The following LRRK2 variants were observed in gnomAD, a reference collection of about 807,000 sequenced individuals.
LRRK2 encodes the protein leucine-rich repeat serine/threonine-protein kinase 2.
LRRK2 carries 203 observed loss-of-function variants against 302.6 expected under a neutral mutation model. That is an observed-to-expected ratio of 0.67 (90% CI 0.60 to 0.75). The LOEUF is 0.75. Among genes scored for constraint, LRRK2 ranks in the 30% least tolerant of loss-of-function variants. The pLI, the probability that LRRK2 is intolerant of heterozygous loss-of-function variation, is 0.00. For synonymous variants in LRRK2, 1,066 were observed against 1,031.9 expected, an observed-to-expected ratio of 1.03 and a Z score of -0.63; for missense variants, 2,830 against 2,951.0, an observed-to-expected ratio of 0.96 and a Z score of 0.95.
At chr12:40,333,015 G>A (rs1206173612) in intron 39 of LRRK2, among the ~76,000 whole-genome samples, 3 of 151,246 alleles carry the variant, frequency 2.0e-5, no homozygotes, top group Non-Finnish European at 2.9e-5. Flanking sequence ...GACATTTGAC[G>A]GTCATTCTAC....
In LRRK2 at chr12:40,294,875, A is replaced by C; in HGVS notation, c.2839A>C (p.Lys947Gln). 1.3e-6 allele frequency: 2 copies of C among 1,548,994 alleles called. No individual in the cohort carries two copies. Among genetic ancestry groups the C allele is most frequent in the Non-Finnish European group, 1.8e-6 (2 of 1,125,202 alleles). Residue 947 changes from lysine to glutamine, a missense_variant, in exon 22 of 51, where the codon AAG (lysine) becomes CAG (glutamine). Lys to Gln is a moderately conservative substitution (Grantham distance 53). This residue lies in a region of LRRK2 where 2,121 missense variants were observed against 2,148.0 expected (regional missense o/e 0.99). Coordinates refer to ENST00000298910, the MANE Select transcript of LRRK2 (RefSeq NM_198578.4). ...CATTTTTGATCATGAAGATTTACTG[A>C]AGCGAAAAAGAAAAATATTATCTTC... ...GPIFDHEDLL[K>Q]RKRKILSSDD...
chr12:40,330,773 T>A (rs1048107270), intron 39 of LRRK2, among the ~76,000 whole-genome samples: 2 of 152,186 alleles, frequency 1.3e-5, no homozygotes, highest in African/African-American at 4.8e-5. Flanking sequence ...ATATGTTAGA[T>A]GACAAGCCTT....
chr12:40,236,314 A>G (rs1242153422), intron 4 of LRRK2, among the ~76,000 whole-genome samples: 2 of 152,204 alleles, frequency 1.3e-5, no homozygotes, highest in Admixed American at 6.5e-5. Flanking sequence ...TAGGGATTTT[A>G]TCTCAGTTTT....
chr12:40,304,688 C>T (rs10784499), intron 27 of LRRK2: 59,184 of 152,096 alleles, frequency 0.39, 11,950 homozygotes, highest in African/African-American at 0.46. Flanking sequence ...AAAGAGTGTT[C>T]TATGGAATAG....
intron 45 of LRRK2, among the ~76,000 whole-genome samples, chr12:40,354,949 C>A (rs1946481227): frequency 6.6e-6 from 1 of 151,964 alleles, no homozygotes; most frequent in Non-Finnish European, 1.5e-5. Flanking sequence ...TTAATAAATT[C>A]TTAATAGGTG....
At chr12:40,330,289 AC>A (rs1945676900) in intron 39 of LRRK2, among the ~76,000 whole-genome samples, 1 of 152,158 alleles carries the variant, frequency 6.6e-6, no homozygotes. Flanking sequence ...ATGTCATCAC[AC>A]TTTATTTTTT....
In LRRK2 at chr12:40,334,997, C is replaced by T; in HGVS notation, c.5788C>T (p.Pro1930Ser). ...TGTGGTGCTTTGCCACCTCCACCAC[C>T]CCAGTTTGATATCTTTGCTGGCAGC... ...ELVVLCHLHH[P>S]SLISLLAAGI... is the part of the protein sequence containing the mutation. Residue 1930 changes from proline (P) to serine (S), a missense_variant, in exon 40 of 51, where the codon CCC becomes TCC. By Grantham distance (74) the Pro-to-Ser change is moderately conservative. Transcript: ENST00000298910. 6.2e-7 allele frequency: 1 copy of T among 1,614,026 alleles called. No homozygotes were observed. Among genetic ancestry groups the T allele is most frequent in the Non-Finnish European group, 8.5e-7 (1 of 1,179,986 alleles).
intron 16 of LRRK2, among the ~76,000 whole-genome samples, chr12:40,277,334 T>C (rs911743110): frequency 6.6e-6 from 1 of 152,168 alleles, no homozygotes; most frequent in African/African-American, 2.4e-5. Context: ...ATTATTAGAA[T>C]GTAATCCTCA....
At chr12:40,242,914 A>AAG (rs1226208125) in intron 6 of LRRK2, among the ~76,000 whole-genome samples, 1 of 148,098 alleles carries the variant, frequency 6.8e-6, no homozygotes, top group Non-Finnish European at 1.5e-5. Context: ...GATAATGATG[A>AAG]AGATTGTGAT....
chr12:40,305,982 TC>T lies in LRRK2; in HGVS notation c.3959+17del. On this transcript the variant is annotated intron_variant, in intron 28 of 50. Transcript: ENST00000298910. Reference sequence around the variant, plus strand: ...ACATCATAAGGTTAGATAATTTTTTTCTATTTGGTTTTACTAAATTTATTTC... The same window carrying T: ...ACATCATAAGGTTAGATAATTTTTTTTATTTGGTTTTACTAAATTTATTTC... The T allele has an allele frequency of 6.3e-7, 1 of 1,585,784 alleles. No individual in the cohort carries two copies.
intron 41 of LRRK2, among the ~76,000 whole-genome samples, chr12:40,342,862 G>C (rs1026099698): frequency 2.0e-5 from 3 of 151,772 alleles, no homozygotes; most frequent in Non-Finnish European, 4.4e-5. Flanking sequence ...ATGAGTGTAG[G>C]TCCATTACGG....
intron 43 of LRRK2, among the ~76,000 whole-genome samples, chr12:40,350,479 T>G (rs530155727): frequency 1.3e-5 from 2 of 152,344 alleles, no homozygotes; most frequent in Non-Finnish European, 2.9e-5. Context: ...GTTGGAAGAT[T>G]TGCCCAAGTA....
intron 18 of LRRK2, among the ~76,000 whole-genome samples, chr12:40,279,587 C>A (rs1378909381): frequency 1.3e-5 from 2 of 152,076 alleles, no homozygotes. Flanking sequence ...AAGAAACTTC[C>A]CCTTCTAAGT....
chr12:40,346,759 G>A lies in LRRK2; in HGVS notation c.6116G>A (p.Arg2039His), dbSNP rs1367795172. 7.4e-6 allele frequency: 12 copies of A among 1,613,602 alleles called. No individual in the cohort carries two copies. Among genetic ancestry groups the A allele is most frequent in the South Asian group, 3.3e-5 (3 of 91,060 alleles). The change falls in exon 42 of 51, where the codon CGT (arginine) becomes CAT (histidine). Residue 2039 changes from arginine (R) to histidine (H), a missense_variant. Physicochemically the swap from Arg to His is conservative, Grantham distance 29. Around this residue, in one of 3 missense-constraint regions of LRRK2, gnomAD observed 253 missense variants for 346.7 expected, o/e 0.73. Transcript: ENST00000298910. ...IKTSEGTPGFRAPEVARGNVI... is the reference protein window; with the variant it reads ...IKTSEGTPGFHAPEVARGNVI... ...TTTATCTGCTTACTTTCAGGGTTTC[G>A]TGCACCTGAAGTTGCCAGAGGAAAT...
rs114392445 is a variant in LRRK2, at chr12:40,228,699, C to T, written c.237+3059C>T. 3.4e-3 allele frequency among the ~76,000 whole-genome samples: 520 copies of T among 152,194 alleles called. 1 individual carries two copies. Among genetic ancestry groups the T allele is most frequent in the African/African-American group, 0.012 (498 of 41,518 alleles). On this transcript the variant is annotated intron_variant, in intron 2 of 50. Coordinates refer to ENST00000298910, the MANE Select transcript of LRRK2 (RefSeq NM_198578.4). ...AGACCAATGTCCTGTAGCATTTCCC[C>T]AGTGTTTTCTTCTAGTAGTTGCATA... is the stretch of plus-strand genomic sequence containing the variant.
chr12:40,256,549 C>T (rs1907633), intron 11 of LRRK2, among the ~76,000 whole-genome samples: 19,398 of 152,228 alleles, frequency 0.13, 1,327 homozygotes, highest in South Asian at 0.16. Context: ...TAAAGCATAT[C>T]TATATGTTTC....
Position 40,225,565 on chromosome 12 carries a change from A to G in LRRK2, c.162A>G (p.Leu54=), listed in dbSNP as rs1197274335. The G allele has an allele frequency of 6.2e-7, 1 of 1,614,026 alleles. No homozygotes were observed. Among genetic ancestry groups the G allele is most frequent in the Non-Finnish European group, 8.5e-7 (1 of 1,179,908 alleles). ...CCACTTGTTTTCCAGCCTCCAAGTT[A>G]TTTCAAGGCAAAAATATCCATGTGC... ...VFTYSERASK[L]FQGKNIHVPL... Residue 54 remains leucine, a synonymous_variant, in exon 2 of 51, where the codon TTA becomes TTG. Coordinates refer to ENST00000298910, the MANE Select transcript of LRRK2 (RefSeq NM_198578.4).
chr12:40,265,900 G>A (rs980838069), intron 14 of LRRK2, among the ~76,000 whole-genome samples: 1 of 152,156 alleles, frequency 6.6e-6, no homozygotes, highest in Non-Finnish European at 1.5e-5. Context: ...AAGAAATGGG[G>A]AAACGATTCC....
At chr12:40,312,369 T>C (rs1161917433) in intron 31 of LRRK2, among the ~76,000 whole-genome samples, 1 of 152,178 alleles carries the variant, frequency 6.6e-6, no homozygotes. Context: ...GATTGCTTTG[T>C]AGAAGAATGA....
Sources: allele counts gnomAD v4.1 joint callset (sites outside exome capture counted in the v4.1 genomes callset), GRCh38; gene constraint gnomAD v4.1.1; regional missense constraint gnomAD v4.1.1; transcripts MANE v1.5; gene names NCBI Gene and HGNC (gene_info 2026-07-23, HGNC 2026-07-21).